Variants in TMEM132B observed in about 807,000 individuals in gnomAD.
TMEM132B encodes the protein transmembrane protein 132B.
Under a neutral mutation model 90.8 loss-of-function variants are expected in TMEM132B, and 18 were observed. That is an observed-to-expected ratio of 0.20 (90% confidence interval 0.14 to 0.29). The LOEUF is 0.29. Among genes scored for constraint, TMEM132B ranks in the 10% least tolerant of loss-of-function variants. The pLI is 1.00. For missense variants in TMEM132B, 1,096 were observed against 1,326.8 expected, an observed-to-expected ratio of 0.83 and a Z score of 2.70; for synonymous variants, 504 against 523.3, an observed-to-expected ratio of 0.96 and a Z score of 0.50.
chr12:125,437,338 A>G (rs1053661923), intron 3 of TMEM132B, among the ~76,000 whole-genome samples: 1 of 152,180 alleles, frequency 6.6e-6, no homozygotes, highest in African/African-American at 2.4e-5. Context: ...AACAAAAGGG[A>G]TGGACTTTTG....
chr12:125,223,680 C>T (rs74658713), intron 1 of TMEM132B, among the ~76,000 whole-genome samples: 3,167 of 152,284 alleles, frequency 0.021, 112 homozygotes, highest in African/African-American at 0.073. Context: ...CCCCAGCCCT[C>T]GCCAGCCATT....
intron 1 of TMEM132B, among the ~76,000 whole-genome samples, chr12:125,222,567 G>C (rs1873584943): frequency 1.3e-5 from 2 of 152,136 alleles, no homozygotes; most frequent in African/African-American, 4.8e-5. Flanking sequence ...ATTTGCCTGG[G>C]AATTAAATGT....
At position 125,653,893 on chromosome 12, in the gene TMEM132B, A is replaced by T; in HGVS notation, c.2435A>T (p.Asn812Ile). The T allele has an allele frequency of 1.9e-6, 3 of 1,614,174 alleles. No individual in the cohort carries two copies. Among genetic ancestry groups the T allele is most frequent in the Non-Finnish European group, 2.5e-6 (3 of 1,180,044 alleles). ...QGGSNDIEGI[N>I]REYKDHLSNS... ...GGCAGCAATGATATTGAGGGCATAA[A>T]TCGGGAATATAAAGACCACCTCAGT... Residue 812 changes from asparagine to isoleucine, a missense_variant, in exon 9 of 9, where the codon AAT becomes ATT. Transcript: ENST00000682704.
chr12:125,294,066 G>A (rs987050028), intron 1 of TMEM132B, among the ~76,000 whole-genome samples: 3 of 152,172 alleles, frequency 2.0e-5, no homozygotes, highest in Non-Finnish European at 4.4e-5. Context: ...AAAGCCTCCA[G>A]GTGAAGGAAG....
rs1882399053 is a variant in TMEM132B at position 125,493,112 on chromosome 12, C to T, written c.1107-26327C>T. Among the ~76,000 whole-genome samples, 3 of 152,096 alleles carry T rather than the reference C, an allele frequency of 2.0e-5. No homozygotes were observed. In the South Asian group the frequency reaches 6.2e-4, roughly 32 times the overall value. On this transcript the variant is annotated intron_variant, in intron 3 of 8. Coordinates refer to ENST00000682704, the MANE Select transcript of TMEM132B (RefSeq NM_001366854.1). ...CAGGGCAGTGGCCTGGCGCTCCACA[C>T]CTTAGCTCATGCAGTCCTCAAAACC...
At chr12:125,636,000 G>T (rs1395593764) in intron 5 of TMEM132B, among the ~76,000 whole-genome samples, 1 of 152,168 alleles carries the variant, frequency 6.6e-6, no homozygotes, top group Non-Finnish European at 1.5e-5. Flanking sequence ...AATGCTCTCT[G>T]CAGCACACTG....
intron 3 of TMEM132B, among the ~76,000 whole-genome samples, chr12:125,515,525 A>G (rs537834346): frequency 1.3e-5 from 2 of 151,622 alleles, no homozygotes; most frequent in East Asian, 3.9e-4. Flanking sequence ...ACACCCCTTC[A>G]CACATTCTCA....
chr12:125,405,633 G>T (rs890890972), intron 2 of TMEM132B, among the ~76,000 whole-genome samples: 1 of 152,090 alleles, frequency 6.6e-6, no homozygotes, highest in Non-Finnish European at 1.5e-5. Flanking sequence ...AGATGGGCAG[G>T]CTCAGAAATG....
At chr12:125,193,060 G>A (rs1005151447) in intron 1 of TMEM132B, among the ~76,000 whole-genome samples, 4 of 152,260 alleles carry the variant, frequency 2.6e-5, no homozygotes, top group Non-Finnish European at 4.4e-5. Flanking sequence ...CACAGGGCAC[G>A]AGTCCCAGGA....
intron 1 of TMEM132B, among the ~76,000 whole-genome samples, chr12:125,191,488 C>T (rs1398126996): frequency 2.0e-5 from 3 of 152,150 alleles, no homozygotes; most frequent in Non-Finnish European, 4.4e-5. Context: ...CCTCACGCAA[C>T]CAAATTTCAC....
intron 1 of TMEM132B, among the ~76,000 whole-genome samples, chr12:125,239,226 G>T (rs552941332): frequency 6.6e-6 from 1 of 152,240 alleles, no homozygotes; most frequent in Admixed American, 6.5e-5. Flanking sequence ...ATTTTGTGGT[G>T]TGGATGAGTA....
intron 3 of TMEM132B, among the ~76,000 whole-genome samples, chr12:125,440,758 T>C (rs1880847950): frequency 6.6e-6 from 1 of 152,214 alleles, no homozygotes; most frequent in South Asian, 2.1e-4. Flanking sequence ...TTTTTTTCTT[T>C]CAGTTTATTT....
At chr12:125,461,738 T>C (rs1396634437) in intron 3 of TMEM132B, among the ~76,000 whole-genome samples, 1 of 152,224 alleles carries the variant, frequency 6.6e-6, no homozygotes, top group Non-Finnish European at 1.5e-5. Context: ...TGTTTTCTTC[T>C]CTCATGAACC....
intron 1 of TMEM132B, among the ~76,000 whole-genome samples, chr12:125,245,920 C>T (rs1874197199): frequency 6.6e-6 from 1 of 152,214 alleles, no homozygotes; most frequent in Admixed American, 6.5e-5. Context: ...GCTGCCAGGT[C>T]AGGCCTCCCT....
intron 3 of TMEM132B, among the ~76,000 whole-genome samples, chr12:125,428,320 G>T (rs1880390775): frequency 6.6e-6 from 1 of 151,774 alleles, no homozygotes; most frequent in Non-Finnish European, 1.5e-5. Context: ...TTGGCCTTTT[G>T]TGTTGGTATT....
At chr12:125,309,594 C>G (rs1876075121) in intron 1 of TMEM132B, among the ~76,000 whole-genome samples, 1 of 152,076 alleles carries the variant, frequency 6.6e-6, no homozygotes, top group Admixed American at 6.5e-5. Context: ...ATACAACAGG[C>G]AAAAATCAGC....
intron 4 of TMEM132B, among the ~76,000 whole-genome samples, chr12:125,523,609 C>T (rs918131613): frequency 5.9e-5 from 9 of 152,220 alleles, no homozygotes; most frequent in African/African-American, 2.2e-4. Flanking sequence ...TGTTATTTTC[C>T]TACCACACTT....
chr12:125,524,880 G>T (rs1883406121), intron 4 of TMEM132B, among the ~76,000 whole-genome samples: 1 of 152,196 alleles, frequency 6.6e-6, no homozygotes, highest in Non-Finnish European at 1.5e-5. Context: ...ATCACAGAGG[G>T]TCTGGGAGCT....
At chr12:125,278,614 G>C (rs1875072035) in intron 1 of TMEM132B, among the ~76,000 whole-genome samples, 2 of 151,858 alleles carry the variant, frequency 1.3e-5, no homozygotes. Flanking sequence ...CTTCTTTTTG[G>C]GGATGGGGTG....
Sources: gnomAD v4.1 joint callset for allele counts (sites outside exome capture counted in the v4.1 genomes callset) on GRCh38, gnomAD v4.1.1 for gene constraint, MANE v1.5 for transcripts, NCBI Gene and HGNC (gene_info 2026-07-23, HGNC 2026-07-21) for gene names.